Variants in LINGO2 observed in about 807,000 individuals in gnomAD.
LINGO2 encodes the protein leucine-rich repeat and immunoglobulin-like domain-containing nogo receptor-interacting protein 2.
Under a neutral mutation model 30.6 loss-of-function variants are expected in LINGO2, and 14 were observed. The ratio of observed to expected loss-of-function variants is 0.46; its 90% CI spans 0.30 to 0.72. LINGO2 has a LOEUF of 0.72. Ranked by LOEUF, LINGO2 falls within the 30% of genes least tolerant of loss-of-function variation. The pLI is 0.07. For synonymous variants in LINGO2, 317 were observed against 288.5 expected (o/e 1.10, Z -1.00); for missense variants, 729 against 751.7 (o/e 0.97, Z 0.35).
At chr9:28,940,933 C>G in the LINGO2 span, among the ~76,000 whole-genome samples, 43 of 151,362 alleles carry the variant, frequency 2.8e-4, no homozygotes, top group African/African-American at 9.9e-4. Flanking sequence ...TTAAATGCCC[C>G]TGAAAAGAGA....
intron 2 of LINGO2, among the ~76,000 whole-genome samples, chr9:28,441,080 T>C (rs1019903673): frequency 6.6e-6 from 1 of 152,080 alleles, no homozygotes; most frequent in African/African-American, 2.4e-5. Flanking sequence ...CTTACTTCAC[T>C]TTCTTGCCCT....
chr9:28,728,339 T>A, the LINGO2 span, among the ~76,000 whole-genome samples: 1 of 151,770 alleles, frequency 6.6e-6, no homozygotes, highest in Non-Finnish European at 1.5e-5. Flanking sequence ...AAAATTTAAA[T>A]TTTTAGAAGA....
the LINGO2 span, among the ~76,000 whole-genome samples, chr9:29,047,029 C>G: frequency 1.3e-5 from 1 of 77,392 alleles, no homozygotes; most frequent in Non-Finnish European, 3.0e-5. Context: ...GGCAACAGAA[C>G]AAGACTGTCT....
intron 4 of LINGO2, among the ~76,000 whole-genome samples, chr9:28,095,080 A>G (rs1826206339): frequency 1.3e-5 from 2 of 152,134 alleles, no homozygotes; most frequent in East Asian, 1.9e-4. Flanking sequence ...GAACTCCAAA[A>G]TTTTCCATTC....
At chr9:28,898,322 T>C in the LINGO2 span, among the ~76,000 whole-genome samples, 3 of 152,194 alleles carry the variant, frequency 2.0e-5, no homozygotes, top group Admixed American at 6.5e-5. Flanking sequence ...ACGCAGTTTC[T>C]AGAAAAGATA....
At chr9:28,827,378 CTCTTTGATGGGT>C in the LINGO2 span, among the ~76,000 whole-genome samples, 1 of 152,148 alleles carries the variant, frequency 6.6e-6, no homozygotes, top group Non-Finnish European at 1.5e-5. Flanking sequence ...ATTTAATTTA[CTCTTTGATGGGT>C]TCATCTAGGT....
chr9:28,784,679 C>T, the LINGO2 span, among the ~76,000 whole-genome samples: 185 of 152,234 alleles, frequency 1.2e-3, 2 homozygotes, highest in East Asian at 0.023. Context: ...GCAGGTCGGG[C>T]GCGGTGGCTC....
At chr9:28,566,614 G>C (rs948867902) in intron 1 of LINGO2, among the ~76,000 whole-genome samples, 2 of 152,106 alleles carry the variant, frequency 1.3e-5, no homozygotes, top group Admixed American at 1.3e-4. Flanking sequence ...TAAATAAGCT[G>C]ACACTTTTAT....
the LINGO2 span, among the ~76,000 whole-genome samples, chr9:28,734,475 G>A: frequency 2.9e-4 from 44 of 152,306 alleles, no homozygotes; most frequent in Non-Finnish European, 4.9e-4. Flanking sequence ...CTGTAGGTAA[G>A]TAGGGGACTA....
the LINGO2 span, among the ~76,000 whole-genome samples, chr9:29,013,797 C>T: frequency 6.6e-6 from 1 of 152,016 alleles, no homozygotes; most frequent in Non-Finnish European, 1.5e-5. Context: ...ATATGGATGC[C>T]CATGATATAT....
chr9:28,774,669 C>T, the LINGO2 span, among the ~76,000 whole-genome samples: 6 of 151,956 alleles, frequency 3.9e-5, no homozygotes, highest in Admixed American at 3.9e-4. Flanking sequence ...AGTGACTGCA[C>T]TTCTAAATCC....
intron 4 of LINGO2, among the ~76,000 whole-genome samples, chr9:28,135,201 G>T (rs1207357727): frequency 6.6e-6 from 1 of 152,024 alleles, no homozygotes; most frequent in Non-Finnish European, 1.5e-5. Flanking sequence ...TTCATCATAG[G>T]CTTAAATAAA....
At chr9:28,199,597 C>T (rs1053093922) in intron 4 of LINGO2, among the ~76,000 whole-genome samples, 6 of 152,110 alleles carry the variant, frequency 3.9e-5, no homozygotes, top group Non-Finnish European at 5.9e-5. Context: ...CTCGGCCCCC[C>T]AAAGTGTTGG....
At chr9:29,055,205 C>T in the LINGO2 span, among the ~76,000 whole-genome samples, 15 of 95,840 alleles carry the variant, frequency 1.6e-4, no homozygotes, top group Admixed American at 7.7e-4. Flanking sequence ...GGCAACAGAG[C>T]GAGACTCCAT....
chr9:28,372,592 T>C (rs1286606192), intron 3 of LINGO2, among the ~76,000 whole-genome samples: 1 of 120,932 alleles, frequency 8.3e-6, no homozygotes, highest in African/African-American at 2.8e-5. Context: ...TTAGTTCTAT[T>C]GCACAGCATG....
At chr9:28,575,536 G>C (rs968032801) in intron 1 of LINGO2, among the ~76,000 whole-genome samples, 1 of 151,960 alleles carries the variant, frequency 6.6e-6, no homozygotes, top group Admixed American at 6.6e-5. Context: ...ATAGACACTG[G>C]GGAGTTTCGA....
the LINGO2 span, among the ~76,000 whole-genome samples, chr9:28,782,990 A>T: frequency 6.6e-6 from 1 of 152,230 alleles, no homozygotes; most frequent in South Asian, 2.1e-4. Flanking sequence ...ACTGTAACAC[A>T]ATGGTAAGGA....
At chr9:28,922,471 T>C in the LINGO2 span, among the ~76,000 whole-genome samples, 3 of 152,170 alleles carry the variant, frequency 2.0e-5, no homozygotes, top group East Asian at 5.8e-4. Flanking sequence ...TCTTGCTCAA[T>C]GGATATCCAC....
intron 4 of LINGO2, among the ~76,000 whole-genome samples, chr9:28,225,051 C>G (rs1821100694): frequency 6.6e-6 from 1 of 152,064 alleles, no homozygotes; most frequent in African/African-American, 2.4e-5. Flanking sequence ...GCTGGGAAGA[C>G]TAGATATCCA....
Sources: gnomAD v4.1 joint callset for allele counts (sites outside exome capture counted in the v4.1 genomes callset) on GRCh38, gnomAD v4.1.1 for gene constraint, MANE v1.5 for transcripts, NCBI Gene and HGNC (gene_info 2026-07-23, HGNC 2026-07-21) for gene names.